The following CLDN14 variants were observed in gnomAD, a reference collection of about 807,000 sequenced individuals.
The protein encoded by CLDN14 is claudin-14.
CLDN14 carries 2 observed loss-of-function variants against 2.1 expected under a neutral mutation model. The ratio of observed to expected loss-of-function variants is 0.96; its 90% CI spans 0.39 to 3.01. CLDN14 has a LOEUF of 3.01. CLDN14 is among the 30% of genes most tolerant of loss of function. The pLI, the probability that CLDN14 is intolerant of heterozygous loss-of-function variation, is 0.09. For missense variants in CLDN14, 298 were observed against 328.0 expected (o/e 0.91, Z 0.71); for synonymous variants, 136 against 154.4 (o/e 0.88, Z 0.88).
At chr21:36,548,350 T>C (rs2087539175) in intron 1 of CLDN14, among the ~76,000 whole-genome samples, 1 of 152,132 alleles carries the variant, frequency 6.6e-6, no homozygotes, top group African/African-American at 2.4e-5. Flanking sequence ...CTAAGTCCAG[T>C]TGGTTTGCCC....
At chr21:36,493,662 G>C (rs150037580) in intron 2 of CLDN14, among the ~76,000 whole-genome samples, 1 of 152,220 alleles carries the variant, frequency 6.6e-6, no homozygotes, top group Non-Finnish European at 1.5e-5. Flanking sequence ...ACTTGTCATA[G>C]TCTCTCTCAC....
intron 1 of CLDN14, among the ~76,000 whole-genome samples, chr21:36,558,352 G>C (rs1195802886): frequency 2.0e-5 from 3 of 152,086 alleles, no homozygotes; most frequent in Non-Finnish European, 4.4e-5. Flanking sequence ...AGATTACAAT[G>C]AACTTGTAAA....
chr21:36,489,193 GGAGAGAGAGAGAGAAAGA>G (rs1206111877), intron 2 of CLDN14, among the ~76,000 whole-genome samples: 5 of 140,220 alleles, frequency 3.6e-5, no homozygotes, highest in East Asian at 2.1e-4. Context: ...ATGGGGGGCG[GGAGAGAGAGAGAGAAAGA>G]GAGAGAGAGA....
intron 2 of CLDN14, among the ~76,000 whole-genome samples, chr21:36,507,206 T>C (rs1411306489): frequency 6.6e-6 from 1 of 151,096 alleles, no homozygotes; most frequent in African/African-American, 2.4e-5. Flanking sequence ...CTGCACAAAA[T>C]AGTAGTTGCC....
At chr21:36,561,189 C>T (rs1018312354) in intron 1 of CLDN14, among the ~76,000 whole-genome samples, 6 of 152,150 alleles carry the variant, frequency 3.9e-5, no homozygotes, top group African/African-American at 9.7e-5. Flanking sequence ...CTTAACTAGA[C>T]CTATCGGTTA....
chr21:36,472,566 G>C lies in CLDN14; in HGVS notation c.-82+6929C>G, dbSNP rs1012303558. 1.1e-4 allele frequency among the ~76,000 whole-genome samples: 17 copies of C among 152,296 alleles called. No homozygotes were observed. The East Asian group carries it at 3.3e-3, about 29-fold the overall frequency. ...AAGCAGATTGCCCTCCATAGTGTGG[G>C]TGGGCCACACCCAGTCAGGTGAAGG... On this transcript the variant is annotated intron_variant, in intron 1 of 1. Coordinates refer to ENST00000399135, the MANE Select transcript of CLDN14 (RefSeq NM_001146079.2).
At chr21:36,512,714 C>A (rs1172945421) in intron 1 of CLDN14, among the ~76,000 whole-genome samples, 1 of 152,094 alleles carries the variant, frequency 6.6e-6, no homozygotes, top group Non-Finnish European at 1.5e-5. Flanking sequence ...TCTGTGTATG[C>A]CTGTGAACAT....
intron 1 of CLDN14, among the ~76,000 whole-genome samples, chr21:36,539,098 G>A (rs969840869): frequency 2.0e-5 from 3 of 152,188 alleles, no homozygotes; most frequent in Admixed American, 1.3e-4. Flanking sequence ...TGTAACCCCC[G>A]CCAATTTAAG....
At chr21:36,461,876 G>A in intron 1 of CLDN14, 100 bp from the exon 2 acceptor site, 3 of 755,044 alleles carry the variant, frequency 4.0e-6, no homozygotes, top group Non-Finnish European at 6.3e-6. Flanking sequence ...TTTTTCATAG[G>A]TGGTTGGTGT....
At chr21:36,463,264 T>C (rs2086603262) in intron 1 of CLDN14, among the ~76,000 whole-genome samples, 1 of 152,240 alleles carries the variant, frequency 6.6e-6, no homozygotes, top group African/African-American at 2.4e-5. Context: ...TCTCTGCTGA[T>C]GACAAGTCAC....
intron 1 of CLDN14, among the ~76,000 whole-genome samples, chr21:36,543,127 A>G (rs2087503374): frequency 6.6e-6 from 1 of 152,186 alleles, no homozygotes; most frequent in Non-Finnish European, 1.5e-5. Context: ...AGGTGCGCGG[A>G]GGGACTCAAC....
intron 1 of CLDN14, among the ~76,000 whole-genome samples, chr21:36,474,895 G>A (rs1189343952): frequency 6.6e-6 from 1 of 152,204 alleles, no homozygotes; most frequent in African/African-American, 2.4e-5. Flanking sequence ...TGGGGGAGAT[G>A]TCAGTGGGCA....
chr21:36,516,997 G>A (rs550547886), intron 1 of CLDN14, among the ~76,000 whole-genome samples: 4 of 152,110 alleles, frequency 2.6e-5, no homozygotes, highest in South Asian at 4.2e-4. Flanking sequence ...GCCCCACCAC[G>A]CCTGGCTAAT....
chr21:36,466,087 G>A (rs895084433), intron 1 of CLDN14, among the ~76,000 whole-genome samples: 2 of 152,174 alleles, frequency 1.3e-5, no homozygotes, highest in Non-Finnish European at 2.9e-5. Flanking sequence ...GAAAACCTGC[G>A]TGACTGTAGG....
chr21:36,546,321 C>T (rs567371376), intron 1 of CLDN14, among the ~76,000 whole-genome samples: 5 of 152,264 alleles, frequency 3.3e-5, no homozygotes, highest in East Asian at 1.9e-4. Flanking sequence ...AGTGTCAAAG[C>T]GTCTCTGTGG....
At chr21:36,561,940 A>T (rs2146524278) in intron 1 of CLDN14, among the ~76,000 whole-genome samples, 1 of 63,336 alleles carries the variant, frequency 1.6e-5, no homozygotes, top group East Asian at 4.4e-4. Flanking sequence ...CTTTCTCTCA[A>T]AAAGACTTGA....
chr21:36,495,889 T>C (rs2087012009), intron 2 of CLDN14, among the ~76,000 whole-genome samples: 1 of 152,130 alleles, frequency 6.6e-6, no homozygotes, highest in South Asian at 2.1e-4. Context: ...AAGAGGGCTA[T>C]GTGAAGACTG....
intron 1 of CLDN14, among the ~76,000 whole-genome samples, chr21:36,575,235 G>A (rs1256891934): frequency 1.3e-5 from 2 of 152,060 alleles, no homozygotes; most frequent in Admixed American, 6.5e-5. Flanking sequence ...TGGTTCTATC[G>A]GCTCTAACTT....
intron 1 of CLDN14, among the ~76,000 whole-genome samples, chr21:36,539,749 G>A (rs1433146951): frequency 6.6e-6 from 1 of 150,668 alleles, no homozygotes; most frequent in Admixed American, 6.6e-5. Context: ...TGTGCGGAGT[G>A]AGTATGTCTG....
Sources: gnomAD v4.1 joint callset for allele counts (sites outside exome capture counted in the v4.1 genomes callset) on GRCh38, gnomAD v4.1.1 for gene constraint, MANE v1.5 for transcripts, NCBI Gene and HGNC (gene_info 2026-07-23, HGNC 2026-07-21) for gene names.